The following SESTD1 variants were observed in gnomAD, a reference collection of about 807,000 sequenced individuals.
SESTD1 encodes SEC14 and spectrin domain containing 1.
Under a neutral mutation model 101.7 loss-of-function variants are expected in SESTD1, and 43 were observed. The observed-to-expected ratio is 0.42, with a 90% CI of 0.33 to 0.55. The LOEUF (loss-of-function observed/expected upper bound fraction) is 0.55. Ranked by LOEUF, SESTD1 falls within the 20% of genes least tolerant of loss-of-function variation. The pLI is 0.07. For missense variants in SESTD1, 647 were observed against 815.1 expected (o/e 0.79, Z 2.51); for synonymous variants, 283 against 286.8 (o/e 0.99, Z 0.13).
chr2:179,111,567 C>T (rs1055127691), intron 17 of SESTD1, among the ~76,000 whole-genome samples: 2 of 152,162 alleles, frequency 1.3e-5, no homozygotes, highest in African/African-American at 4.8e-5. Context: ...TGCACAGACT[C>T]ATCACACTAT....
At chr2:179,127,334 T>C (rs577231828) in intron 10 of SESTD1, among the ~76,000 whole-genome samples, 23 of 152,230 alleles carry the variant, frequency 1.5e-4, no homozygotes, top group Non-Finnish European at 2.9e-4. Context: ...CTAAAATCTA[T>C]ACCTATATTG....
rs957537647 is a variant in SESTD1, at chr2:179,204,123, T to TAC, written c.-25-12259_-25-12258dup. On this transcript the variant is annotated intron_variant, in intron 1 of 17. Coordinates refer to ENST00000428443, the MANE Select transcript of SESTD1 (RefSeq NM_178123.5). ...CATTGAAAAGTTTCATATATATATA[T>TAC]ACACACACATACACGTGTGTACAGA... is the stretch of plus-strand genomic sequence containing the variant. 9.0e-5 allele frequency among the ~76,000 whole-genome samples: 12 copies of TAC among 133,032 alleles called. 3 individuals are homozygous for TAC. The East Asian group carries it at 1.4e-3, about 16-fold the overall frequency. The allele number at this position is 133,032 out of a possible 152,430, so 87.3% of individuals were successfully genotyped here.
intron 5 of SESTD1, among the ~76,000 whole-genome samples, chr2:179,152,325 G>C (rs1201436075): frequency 6.6e-6 from 1 of 152,192 alleles, no homozygotes; most frequent in Non-Finnish European, 1.5e-5. Flanking sequence ...GCACCACAGA[G>C]AGAAAGGTGA....
intron 5 of SESTD1, among the ~76,000 whole-genome samples, chr2:179,159,778 C>A (rs896408200): frequency 1.3e-5 from 2 of 151,922 alleles, no homozygotes; most frequent in Admixed American, 6.6e-5. Context: ...TAAAGCAATG[C>A]AAATCAAAGG....
Position 179,104,536 on chromosome 2 carries a change from T to A in SESTD1, c.*5363A>T, listed in dbSNP as rs1176384959. ...AAGGCACCCAGTCATCTCTCATCTC[T>A]CCCCCAAGACAGAAGCATTTGGACA... On this transcript the variant is annotated 3_prime_UTR_variant, in exon 18 of 18. Coordinates refer to ENST00000428443, the MANE Select transcript of SESTD1 (RefSeq NM_178123.5). The A allele has an allele frequency of 6.6e-6, 1 of 151,996 alleles. No homozygotes were observed. Among genetic ancestry groups the A allele is most frequent in the African/African-American group, 2.4e-5 (1 of 41,342 alleles). 9.4% of individuals were successfully genotyped at this position (151,996 alleles called of 1,614,324 possible).
chr2:179,194,365 C>T (rs2105499642), intron 1 of SESTD1, among the ~76,000 whole-genome samples: 1 of 152,260 alleles, frequency 6.6e-6, no homozygotes, highest in Middle Eastern at 3.4e-3. Context: ...CCATCAGAGT[C>T]CATGTTCCCT....
chr2:179,261,204 G>A (rs1268412187), intron 1 of SESTD1, among the ~76,000 whole-genome samples: 1 of 152,206 alleles, frequency 6.6e-6, no homozygotes, highest in Non-Finnish European at 1.5e-5. Context: ...ATTTGAAAAT[G>A]CGTAATAAAA....
chr2:179,221,377 C>T (rs897066184), intron 1 of SESTD1, among the ~76,000 whole-genome samples: 5 of 151,602 alleles, frequency 3.3e-5, no homozygotes, highest in African/African-American at 1.2e-4. Context: ...CTTTGGGAGG[C>T]CGAGGCAGGT....
chr2:179,246,002 A>T (rs2105551134), intron 1 of SESTD1, among the ~76,000 whole-genome samples: 1 of 152,344 alleles, frequency 6.6e-6, no homozygotes, highest in South Asian at 2.1e-4. Context: ...CACGCCTATA[A>T]TCGCAACACT....
At chr2:179,195,535 T>A (rs1190886435) in intron 1 of SESTD1, among the ~76,000 whole-genome samples, 1 of 152,184 alleles carries the variant, frequency 6.6e-6, no homozygotes, top group Non-Finnish European at 1.5e-5. Context: ...ACTTAGATAG[T>A]CATACTTCAG....
At chr2:179,234,626 C>T (rs910223771) in intron 1 of SESTD1, among the ~76,000 whole-genome samples, 4 of 151,750 alleles carry the variant, frequency 2.6e-5, no homozygotes, top group African/African-American at 7.3e-5. Flanking sequence ...AAAAATAGTA[C>T]GAGTATACAT....
At chr2:179,237,694 T>A (rs905314512) in intron 1 of SESTD1, among the ~76,000 whole-genome samples, 2 of 152,206 alleles carry the variant, frequency 1.3e-5, no homozygotes, top group African/African-American at 2.4e-5. Flanking sequence ...TTTCCAAACT[T>A]GTAATATGAC....
chr2:179,143,189 T>C (rs1275315277), intron 9 of SESTD1, among the ~76,000 whole-genome samples: 1 of 152,150 alleles, frequency 6.6e-6, no homozygotes, highest in Non-Finnish European at 1.5e-5. Flanking sequence ...ATTAGAATCA[T>C]TTGCATTACA....
chr2:179,234,108 CAAA>C (rs2047025362), intron 1 of SESTD1, among the ~76,000 whole-genome samples: 1 of 152,174 alleles, frequency 6.6e-6, no homozygotes, highest in Non-Finnish European at 1.5e-5. Flanking sequence ...ATGAGTAGAA[CAAA>C]AAGACTGACT....
At chr2:179,154,682 A>G (rs911695782) in intron 5 of SESTD1, among the ~76,000 whole-genome samples, 1 of 152,192 alleles carries the variant, frequency 6.6e-6, no homozygotes, top group African/African-American at 2.4e-5. Context: ...GGATACTTTC[A>G]GAAATATGCA....
At chr2:179,254,218 T>C (rs2047359550) in intron 1 of SESTD1, among the ~76,000 whole-genome samples, 1 of 152,046 alleles carries the variant, frequency 6.6e-6, no homozygotes. Flanking sequence ...AGACAAAGAC[T>C]ATGGAAATAA....
chr2:179,259,128 T>A (rs1033187513), intron 1 of SESTD1, among the ~76,000 whole-genome samples: 2 of 152,214 alleles, frequency 1.3e-5, no homozygotes, highest in African/African-American at 4.8e-5. Flanking sequence ...CCTTTGTTTC[T>A]TTATCTATTA....
intron 17 of SESTD1, among the ~76,000 whole-genome samples, chr2:179,111,966 G>A (rs939958300): frequency 4.6e-5 from 7 of 152,102 alleles, no homozygotes; most frequent in East Asian, 3.9e-4. Flanking sequence ...TGATCCGCCC[G>A]CTTTGGCCTC....
At position 179,210,672 on chromosome 2, in the gene SESTD1, A is replaced by G. The variant is rs921424662; in HGVS notation, c.-25-18806T>C. Among the ~76,000 whole-genome samples, 9 of 135,214 alleles carry G rather than the reference A, an allele frequency of 6.7e-5. 3 individuals are homozygous for G. The highest frequency in any genetic ancestry group is 2.6e-4 in the African/African-American group (9 of 34,444). The allele number at this position is 135,214 out of a possible 152,430, so 88.7% of individuals were successfully genotyped here. ...AAACCCTCAGCAAAATCAGCATAGA[A>G]CAGACATATCTTAAGGTAATAAAAG... On this transcript the variant is annotated intron_variant, in intron 1 of 17. Coordinates refer to ENST00000428443, the MANE Select transcript of SESTD1 (RefSeq NM_178123.5).
Sources: allele counts gnomAD v4.1 joint callset (sites outside exome capture counted in the v4.1 genomes callset), GRCh38; gene constraint gnomAD v4.1.1; transcripts MANE v1.5; gene names NCBI Gene and HGNC (gene_info 2026-07-23, HGNC 2026-07-21).